The following SORCS3 variants were observed in gnomAD, a reference collection of about 807,000 sequenced individuals.
SORCS3 encodes VPS10 domain-containing receptor SorCS3.
In SORCS3, 57 loss-of-function variants were observed where a neutral mutation model predicts 146.3. The observed-to-expected ratio is 0.39, with a 90% CI of 0.31 to 0.49. SORCS3 has a LOEUF of 0.49. Among genes scored for constraint, SORCS3 ranks in the 20% least tolerant of loss-of-function variants. The pLI is 0.92. For missense variants in SORCS3, 1,341 were observed against 1,575.5 expected (o/e 0.85, Z 2.52); for synonymous variants, 653 against 618.5 (o/e 1.06, Z -0.83).
chr10:104,990,970 A>T (rs767387461), intron 4 of SORCS3, among the ~76,000 whole-genome samples: 1 of 152,172 alleles, frequency 6.6e-6, no homozygotes, highest in Admixed American at 6.5e-5. Flanking sequence ...TTACAGTAGC[A>T]ATAGGAAATT....
chr10:104,846,669 C>T (rs551015844), intron 2 of SORCS3, among the ~76,000 whole-genome samples: 5 of 152,268 alleles, frequency 3.3e-5, no homozygotes, highest in South Asian at 2.1e-4. Context: ...ACATTCTTTC[C>T]AGAATACCTT....
chr10:104,953,012 G>C (rs2019449534), intron 3 of SORCS3, among the ~76,000 whole-genome samples: 2 of 152,166 alleles, frequency 1.3e-5, no homozygotes, highest in African/African-American at 4.8e-5. Context: ...CAGAGGAAAA[G>C]ACACGCACCT....
chr10:105,008,171 C>T (rs1476615556), intron 4 of SORCS3, among the ~76,000 whole-genome samples: 1 of 152,156 alleles, frequency 6.6e-6, no homozygotes, highest in East Asian at 1.9e-4. Flanking sequence ...AGACATATCT[C>T]CATCTTAGCA....
At chr10:104,671,264 T>A (rs543682039) in intron 1 of SORCS3, among the ~76,000 whole-genome samples, 1 of 149,080 alleles carries the variant, frequency 6.7e-6, no homozygotes, top group Admixed American at 6.8e-5. Flanking sequence ...TTGAGTATGA[T>A]GTTAACTGTG....
intron 3 of SORCS3, among the ~76,000 whole-genome samples, chr10:104,920,155 G>T (rs184412237): frequency 6.6e-5 from 10 of 152,278 alleles, no homozygotes; most frequent in Non-Finnish European, 1.2e-4. Context: ...GTAGTCTCTC[G>T]TGGATTTTTG....
rs540561839 is a variant in SORCS3 at position 105,195,237 on chromosome 10, CCTTAA to C, written c.2010-4756_2010-4752del. 3.4e-3 allele frequency among the ~76,000 whole-genome samples: 515 copies of C among 152,216 alleles called. 4 individuals carry two copies. Among genetic ancestry groups the C allele is most frequent in the African/African-American group, 0.011 (475 of 41,534 alleles). On this transcript the variant is annotated intron_variant, in intron 14 of 26. Coordinates refer to ENST00000369701, the MANE Select transcript of SORCS3 (RefSeq NM_014978.3). ...ACCTATTTTGCTGGTAACAGGCTCT[CCTTAA>C]CTTAAGAGGAGTATTTCTGGCAGAT... is the stretch of plus-strand genomic sequence containing the variant.
At chr10:104,719,415 A>G (rs2016517785) in intron 1 of SORCS3, among the ~76,000 whole-genome samples, 1 of 152,146 alleles carries the variant, frequency 6.6e-6, no homozygotes, top group African/African-American at 2.4e-5. Context: ...TCGAGAATGG[A>G]GCTATGTCTT....
intron 20 of SORCS3, among the ~76,000 whole-genome samples, chr10:105,242,303 C>A (rs1408503454): frequency 1.9e-4 from 23 of 123,422 alleles, no homozygotes; most frequent in Admixed American, 1.8e-3. Context: ...TATATTTATA[C>A]ATATATTTAT....
chr10:104,695,964 CATATA>C (rs1334666134), intron 1 of SORCS3, among the ~76,000 whole-genome samples: 5 of 140,156 alleles, frequency 3.6e-5, no homozygotes, highest in Non-Finnish European at 6.1e-5. Flanking sequence ...ATTATATACA[CATATA>C]ATATATATAA....
intron 13 of SORCS3, among the ~76,000 whole-genome samples, chr10:105,172,453 T>A (rs2056368216): frequency 6.6e-6 from 1 of 152,218 alleles, no homozygotes; most frequent in Non-Finnish European, 1.5e-5. Flanking sequence ...TCTATCTGTA[T>A]GTTATTCCCT....
At chr10:104,741,873 T>C (rs182783219) in intron 1 of SORCS3, among the ~76,000 whole-genome samples, 6 of 152,142 alleles carry the variant, frequency 3.9e-5, no homozygotes, top group Admixed American at 3.3e-4. Context: ...TAATTGCTCA[T>C]TGAGACATTT....
chr10:105,027,797 G>A (rs758516678), intron 4 of SORCS3, among the ~76,000 whole-genome samples: 3 of 152,274 alleles, frequency 2.0e-5, no homozygotes, highest in Non-Finnish European at 2.9e-5. Context: ...ACATGGTGCT[G>A]AAGGGCTTCC....
chr10:104,965,087 C>G (rs2054818841), intron 3 of SORCS3, among the ~76,000 whole-genome samples: 1 of 152,166 alleles, frequency 6.6e-6, no homozygotes, highest in South Asian at 2.1e-4. Flanking sequence ...GTAGTGTATA[C>G]CACATTTTGT....
chr10:105,218,662 T>C (rs2056679404), intron 19 of SORCS3, among the ~76,000 whole-genome samples: 1 of 152,238 alleles, frequency 6.6e-6, no homozygotes, highest in African/African-American at 2.4e-5. Context: ...CTGATCACAT[T>C]CCTTTGTTAA....
chr10:104,994,433 A>G (rs1319393969), intron 4 of SORCS3, among the ~76,000 whole-genome samples: 2 of 152,218 alleles, frequency 1.3e-5, no homozygotes, highest in Non-Finnish European at 2.9e-5. Flanking sequence ...GATTTTTTAA[A>G]CAACTTTATT....
Position 105,035,761 on chromosome 10 carries a change from C to T in SORCS3, c.955-7294C>T, listed in dbSNP as rs189610244. 8.5e-5 allele frequency among the ~76,000 whole-genome samples: 13 copies of T among 152,238 alleles called. No individual in the cohort carries two copies. In the East Asian group the frequency reaches 1.4e-3, roughly 16 times the overall value. ...GATTACCAGTGTGAGCTACTGCACC[C>T]GGCCATCAAGTGCTTATAGTAATTT... On this transcript the variant is annotated intron_variant, in intron 4 of 26. Coordinates refer to ENST00000369701, the MANE Select transcript of SORCS3 (RefSeq NM_014978.3).
At chr10:104,723,697 CTCT>C (rs2016582036) in intron 1 of SORCS3, among the ~76,000 whole-genome samples, 1 of 152,196 alleles carries the variant, frequency 6.6e-6, no homozygotes, top group South Asian at 2.1e-4. Context: ...GGATAGTTAG[CTCT>C]TCTTGTTGAA....
Position 105,157,233 on chromosome 10 carries a change from G to C in SORCS3, c.1578G>C (p.Leu526=), listed in dbSNP as rs370747917. The change falls in exon 10 of 27, where the codon CTG becomes CTC. Residue 526 remains leucine (L), a synonymous_variant. Coordinates refer to ENST00000369701, the MANE Select transcript of SORCS3 (RefSeq NM_014978.3). ...ACAACAAAGGCAGGGATTGGCGCCT[G>C]CTGCAAGCTCCGGATGTGGACCTGA... The part of the protein sequence containing the change: ...ITYNKGRDWR[L]LQAPDVDLRG... The C allele has an allele frequency of 6.2e-7, 1 of 1,613,984 alleles. No individual in the cohort carries two copies. Among genetic ancestry groups the C allele is most frequent in the Non-Finnish European group, 8.5e-7 (1 of 1,179,980 alleles).
chr10:104,893,237 G>A (rs761125509), intron 2 of SORCS3, among the ~76,000 whole-genome samples: 8 of 152,176 alleles, frequency 5.3e-5, no homozygotes, highest in Non-Finnish European at 1.0e-4. Flanking sequence ...CAGGTATTTG[G>A]TTTATACTTG....
Sources: gnomAD v4.1 joint callset for allele counts (sites outside exome capture counted in the v4.1 genomes callset) on GRCh38, gnomAD v4.1.1 for gene constraint, MANE v1.5 for transcripts, NCBI Gene and HGNC (gene_info 2026-07-23, HGNC 2026-07-21) for gene names.